Variants in TENM1 observed in about 807,000 individuals in gnomAD.
TENM1 encodes teneurin transmembrane protein 1.
A neutral mutation model predicts 174.8 loss-of-function variants in TENM1; 35 were observed. The ratio of observed to expected loss-of-function variants is 0.20; its 90% CI spans 0.15 to 0.27. The LOEUF (loss-of-function observed/expected upper bound fraction) is 0.27. Among genes scored for constraint, TENM1 ranks in the 10% least tolerant of loss-of-function variants. The probability of loss-of-function intolerance (pLI) is 1.00; values close to 1 mark genes in which losing one functional copy is unlikely to be tolerated. For missense variants in TENM1, 1,633 were observed against 2,130.1 expected, an observed-to-expected ratio of 0.77 and a Z score of 4.59; for synonymous variants, 781 against 798.7, an observed-to-expected ratio of 0.98 and a Z score of 0.37.
Position 124,615,201 on chromosome X carries a change from T to G in TENM1, c.2077+26590A>C, listed in dbSNP as rs185334104. Among the ~76,000 whole-genome samples the G allele has an allele frequency of 3.6e-5, 4 of 112,424 alleles. 1 individual carries two copies. The highest frequency in any genetic ancestry group is 1.3e-4 in the African/African-American group (4 of 30,991). On this transcript the variant is annotated intron_variant, in intron 11 of 31. Transcript: ENST00000422452. ...GTAGCTAAGTAAATGTTGGTTGAAG[T>G]AGCATTTCATGTCTACATCACAGGT...
chrX:124,649,011 G>A (rs1477379151), intron 8 of TENM1, among the ~76,000 whole-genome samples: 1 of 111,677 alleles, frequency 9.0e-6, no homozygotes, highest in South Asian at 3.8e-4. Flanking sequence ...ACTTCCACTG[G>A]GTATCAAAGA....
the TENM1 span, among the ~76,000 whole-genome samples, chrX:125,202,944 ATG>A: frequency 8.9e-6 from 1 of 112,166 alleles, no homozygotes; most frequent in Non-Finnish European, 1.9e-5. Context: ...GCTCGCAGAT[ATG>A]CTGGCCGTTG....
intron 3 of TENM1, among the ~76,000 whole-genome samples, chrX:124,864,123 T>A (rs1362943916): frequency 5.4e-5 from 6 of 111,938 alleles, no homozygotes; most frequent in Non-Finnish European, 1.1e-4. Context: ...CCCAAGAAGG[T>A]TGGCTACAAA....
At chrX:125,169,704 A>G in the TENM1 span, among the ~76,000 whole-genome samples, 3 of 111,495 alleles carry the variant, frequency 2.7e-5, no homozygotes, top group East Asian at 2.8e-4. Flanking sequence ...ACTCAGAAAC[A>G]TATAAGAGAA....
intron 25 of TENM1, among the ~76,000 whole-genome samples, chrX:124,413,505 G>A (rs182325740): frequency 8.9e-6 from 1 of 111,910 alleles, no homozygotes; most frequent in Non-Finnish European, 1.9e-5. Flanking sequence ...TAGTGCTTCT[G>A]GGAGGGCACA....
At chrX:124,911,676 G>T (rs2057838921) in intron 1 of TENM1, among the ~76,000 whole-genome samples, 1 of 111,982 alleles carries the variant, frequency 8.9e-6, no homozygotes, top group Non-Finnish European at 1.9e-5. Flanking sequence ...TTCTGCATCT[G>T]TACTATAAGT....
At chrX:124,848,736 A>C (rs1046503030) in intron 3 of TENM1, among the ~76,000 whole-genome samples, 1 of 111,168 alleles carries the variant, frequency 9.0e-6, no homozygotes, top group Non-Finnish European at 1.9e-5. Flanking sequence ...AGTAAAAAAA[A>C]ATCAAGCAAC....
At chrX:124,791,427 G>T (rs929936825) in intron 3 of TENM1, among the ~76,000 whole-genome samples, 1 of 111,701 alleles carries the variant, frequency 9.0e-6, no homozygotes, top group Non-Finnish European at 1.9e-5. Flanking sequence ...CCCAAACAAT[G>T]CCATACATAA....
intron 1 of TENM1, among the ~76,000 whole-genome samples, chrX:124,934,843 A>G (rs1284407444): frequency 2.7e-5 from 3 of 111,822 alleles, no homozygotes; most frequent in Non-Finnish European, 5.6e-5. Flanking sequence ...GACTATGAAC[A>G]TTCTTTTGAA....
At chrX:124,482,473 G>A (rs755822732) in intron 21 of TENM1, among the ~76,000 whole-genome samples, 2 of 111,436 alleles carry the variant, frequency 1.8e-5, no homozygotes, top group South Asian at 7.7e-4. Context: ...AAAGCTCAAG[G>A]AGTGTCGCTA....
chrX:125,098,466 G>A, the TENM1 span, among the ~76,000 whole-genome samples: 2,562 of 111,696 alleles, frequency 0.023, 79 homozygotes, highest in African/African-American at 0.079. Flanking sequence ...GATTGCGTTT[G>A]TAGTTGGCAT....
upstream of TENM1, among the ~76,000 whole-genome samples, chrX:124,965,444 T>TC (rs1468917369): frequency 8.9e-6 from 1 of 112,039 alleles, no homozygotes. Context: ...ATGGTTCTTC[T>TC]TTTGTGGTAT....
intron 18 of TENM1, among the ~76,000 whole-genome samples, chrX:124,511,403 C>G (rs2047581014): frequency 9.0e-6 from 1 of 111,674 alleles, no homozygotes; most frequent in African/African-American, 3.3e-5. Flanking sequence ...TCTCTGCTAG[C>G]TTCTCTGATA....
chrX:124,450,355 G>A lies in TENM1; in HGVS notation c.4104+2982C>T, dbSNP rs372291904. 8.7e-3 allele frequency among the ~76,000 whole-genome samples: 416 copies of A among 47,667 alleles called. 2 individuals are homozygous for A. Among genetic ancestry groups the A allele is most frequent in the African/African-American group, 0.028 (385 of 13,933 alleles). The allele number at this position is 47,667 out of a possible 115,157, so 41.4% of individuals were successfully genotyped here. On this transcript the variant is annotated intron_variant, in intron 23 of 31. Coordinates refer to ENST00000422452, the Ensembl canonical transcript of TENM1. ...CGCCTGGGCCACAGAGCGAGACTCC[G>A]TCTCAAAAAAAAAAAAAAAAAATGG...
rs2047751320 is a variant in TENM1, at chrX:124,517,932, G to C, written c.3301+2585C>G. Among the ~76,000 whole-genome samples the C allele has an allele frequency of 2.7e-5, 3 of 111,604 alleles. No individual in the cohort carries two copies. The Admixed American group carries it at 2.9e-4, about 11-fold the overall frequency. On this transcript the variant is annotated intron_variant, in intron 18 of 31. Coordinates refer to ENST00000422452, the Ensembl canonical transcript of TENM1. Reference sequence around the variant, plus strand: ...GGAAATGCTGTAGGATAATATCATGGAGAAGAGAATTAGAGGCTTTGAGTA... The same window carrying C: ...GGAAATGCTGTAGGATAATATCATGCAGAAGAGAATTAGAGGCTTTGAGTA...
At chrX:125,158,939 CA>C in the TENM1 span, among the ~76,000 whole-genome samples, 12,205 of 99,535 alleles carry the variant, frequency 0.12, 1,373 homozygotes, top group African/African-American at 0.33. Context: ...TGTCTGATAA[CA>C]AAAAAAAAAA....
intron 5 of TENM1, 150 bp downstream of exon 8, chrX:124,704,863 A>G (rs1168282322): frequency 8.6e-6 from 4 of 462,638 alleles, no homozygotes; most frequent in Admixed American, 3.3e-5. Flanking sequence ...AGGAAGAAAA[A>G]AAAAAAAGAA....
chrX:124,958,211 A>T (rs1240813163), intron 1 of TENM1, among the ~76,000 whole-genome samples: 1 of 112,019 alleles, frequency 8.9e-6, no homozygotes, highest in Non-Finnish European at 1.9e-5. Flanking sequence ...TAAGAAATTC[A>T]GTTTTAGAGT....
chrX:125,123,415 T>A, the TENM1 span, among the ~76,000 whole-genome samples: 1 of 80,133 alleles, frequency 1.2e-5, no homozygotes, highest in African/African-American at 5.2e-5. Context: ...CAAAACTCCA[T>A]CTCTACAAAA....
Sources: gnomAD v4.1 joint callset for allele counts (sites outside exome capture counted in the v4.1 genomes callset) on GRCh38, gnomAD v4.1.1 for gene constraint, MANE v1.5 for transcripts, NCBI Gene and HGNC (gene_info 2026-07-23, HGNC 2026-07-21) for gene names.